SEC14L1: variants seen among roughly 807,000 people sequenced by gnomAD.
SEC14L1 encodes the protein SEC14 like lipid binding 1, also known as SEC14-like protein 1.
A neutral mutation model predicts 85.3 loss-of-function variants in SEC14L1; 48 were observed. That is an observed-to-expected ratio of 0.56 (90% CI 0.45 to 0.72). SEC14L1 has a LOEUF of 0.72. Ranked by LOEUF, SEC14L1 falls within the 30% of genes least tolerant of loss-of-function variation. SEC14L1 has a pLI of 0.00. For synonymous variants in SEC14L1, 391 were observed against 355.5 expected, an observed-to-expected ratio of 1.10 and a Z score of -1.12; for missense variants, 682 against 921.4, an observed-to-expected ratio of 0.74 and a Z score of 3.36.
At chr17:77,107,700 G>T (rs1241243111) in intron 3 of SEC14L1, among the ~76,000 whole-genome samples, 1 of 152,120 alleles carries the variant, frequency 6.6e-6, no homozygotes, top group Non-Finnish European at 1.5e-5. Flanking sequence ...ACGTAAAGGT[G>T]CCCTCCTTGA....
intron 3 of SEC14L1, among the ~76,000 whole-genome samples, chr17:77,151,275 T>TCA (rs1242458497): frequency 3.3e-4 from 50 of 152,310 alleles, no homozygotes; most frequent in Middle Eastern, 3.4e-3. Flanking sequence ...GTTTGTAAAG[T>TCA]TGTGAATGCC....
At position 77,206,749 on chromosome 17, in the gene SEC14L1, A is replaced by C. The variant is rs1233071553; in HGVS notation, c.1363A>C (p.Asn455His). 2 of 1,611,072 alleles carry C rather than the reference A, an allele frequency of 1.2e-6. No individual in the cohort carries two copies. Among genetic ancestry groups the C allele is most frequent in the Non-Finnish European group, 1.7e-6 (2 of 1,179,154 alleles). ...WTLVSPFIDD[N>H]TRRKFLIYAG... ...ACAGGTTAGTCCGTTCATTGATGAC[A>C]ACACCAGAAGGAAGTTCCTCATTTA... Residue 455 changes from asparagine to histidine, a missense_variant, in exon 13 of 17, where the codon AAC becomes CAC. Transcript: ENST00000436233. The surrounding 1 kb of genome is among the most constrained non-coding windows in gnomAD (Gnocchi z 4.3).
chr17:77,189,592 A>G (rs1289189907), intron 3 of SEC14L1, among the ~76,000 whole-genome samples: 1 of 151,796 alleles, frequency 6.6e-6, no homozygotes, highest in Non-Finnish European at 1.5e-5. Flanking sequence ...CCCTCCTCCC[A>G]TTTTGTAGTT....
intron 3 of SEC14L1, among the ~76,000 whole-genome samples, chr17:77,117,796 C>T (rs918486979): frequency 2.6e-5 from 4 of 152,306 alleles, no homozygotes; most frequent in East Asian, 1.9e-4. Context: ...CCTCCTTCTT[C>T]GTTCCCACCA....
At position 77,213,307 on chromosome 17, in the gene SEC14L1, G is replaced by C. The variant is rs201397042; in HGVS notation, c.1864-7G>C. ...GCCCTCAGCTGCCACTGCCCTACTT[G>C]TTCTAGGGTTCCCATGTGACCAGGT... is the stretch of plus-strand genomic sequence containing the variant. On this transcript the variant is annotated splice_polypyrimidine_tract_variant and splice_region_variant and intron_variant, in intron 15 of 16. Coordinates refer to ENST00000436233, the MANE Select transcript of SEC14L1 (RefSeq NM_001143998.2). The surrounding 1 kb of genome is among the most constrained non-coding windows in gnomAD (Gnocchi z 7.1). The C allele has an allele frequency of 1.0e-5, 16 of 1,601,358 alleles. No individual in the cohort carries two copies. Among genetic ancestry groups the C allele is most frequent in the East Asian group, 2.2e-5 (1 of 44,840 alleles).
In SEC14L1 at chr17:77,200,315, T is replaced by C. The variant is rs567934443; in HGVS notation, c.820-169T>C. Among the ~76,000 whole-genome samples the C allele has an allele frequency of 2.0e-5, 3 of 152,170 alleles. No homozygotes were observed. In the East Asian group the frequency reaches 5.8e-4, roughly 30 times the overall value. On this transcript the variant is annotated intron_variant, in intron 8 of 16. Coordinates refer to ENST00000436233, the MANE Select transcript of SEC14L1 (RefSeq NM_001143998.2). The stretch of plus-strand genomic sequence containing the variant: ...CTCCGAGTAGCTGGGATTACAGGCA[T>C]GCACCACCATGCCTGGCTGATTTTT...
chr17:77,198,961 G>GT (rs1567927521), intron 8 of SEC14L1: 1 of 150,256 alleles, frequency 6.7e-6, no homozygotes, highest in Non-Finnish European at 1.5e-5. Flanking sequence ...TCATTAGAAG[G>GT]TTTTTTGAGA....
At chr17:77,111,722 A>G (rs764213990) in intron 3 of SEC14L1, among the ~76,000 whole-genome samples, 1 of 152,076 alleles carries the variant, frequency 6.6e-6, no homozygotes. Flanking sequence ...GGGTATATTT[A>G]CCCAATGCCT....
chr17:77,120,511 C>G (rs1374621905), intron 3 of SEC14L1, among the ~76,000 whole-genome samples: 1 of 151,438 alleles, frequency 6.6e-6, no homozygotes, highest in Non-Finnish European at 1.5e-5. Context: ...AAGTCTTGCT[C>G]TGTCGCCCAG....
chr17:77,175,874 G>A (rs769952887), intron 3 of SEC14L1, among the ~76,000 whole-genome samples: 1 of 151,968 alleles, frequency 6.6e-6, no homozygotes, highest in Non-Finnish European at 1.5e-5. Context: ...TCCGGCCTCC[G>A]TGTAGCTGAG....
At position 77,200,585 on chromosome 17, in the gene SEC14L1, G is replaced by A; in HGVS notation, c.921G>A (p.Gln307=). 6.2e-7 allele frequency: 1 copy of A among 1,614,120 alleles called. No homozygotes were observed. The highest frequency in any genetic ancestry group is 8.5e-7 in the Non-Finnish European group (1 of 1,179,952). ...GTCAGTCTTTGACGTGGAGAAAGCA[G>A]CATCAGGTAGACTACATTCTTGAAA... ...IMCQSLTWRK[Q]HQVDYILETW... Residue 307 remains glutamine (Q), a synonymous_variant, in exon 9 of 17, where the codon CAG becomes CAA. Coordinates refer to ENST00000436233, the MANE Select transcript of SEC14L1 (RefSeq NM_001143998.2).
chr17:77,178,407 CTG>C (rs1478838681), intron 3 of SEC14L1, among the ~76,000 whole-genome samples: 1 of 152,094 alleles, frequency 6.6e-6, no homozygotes, highest in African/African-American at 2.4e-5. Flanking sequence ...AGTGACCTCT[CTG>C]TGGAATTAAA....
At chr17:77,097,098 G>A (rs1169171772) in intron 3 of SEC14L1, among the ~76,000 whole-genome samples, 9 of 152,156 alleles carry the variant, frequency 5.9e-5, no homozygotes, top group African/African-American at 1.2e-4. Context: ...TGAGAACATC[G>A]GGAAAGATTT....
intron 3 of SEC14L1, among the ~76,000 whole-genome samples, chr17:77,181,494 C>A (rs1286185444): frequency 6.6e-6 from 1 of 152,212 alleles, no homozygotes; most frequent in Non-Finnish European, 1.5e-5. Flanking sequence ...CTCACTGCAT[C>A]CTCCGCCTCC....
At chr17:77,212,681 C>T in intron 15 of SEC14L1, 1 of 176,264 alleles carries the variant, frequency 5.7e-6, no homozygotes. Context: ...CTCACAGTAG[C>T]CTCGGGGCGG....
chr17:77,193,345 T>C, intron 5 of SEC14L1, 76 bp from the exon 6 acceptor site: 1 of 1,400,960 alleles, frequency 7.1e-7, no homozygotes, highest in South Asian at 1.6e-5. Flanking sequence ...TTCTGGTTAC[T>C]GGTTAAACTG....
At chr17:77,101,008 A>T (rs772822514) in intron 3 of SEC14L1, among the ~76,000 whole-genome samples, 1 of 152,196 alleles carries the variant, frequency 6.6e-6, no homozygotes, top group Non-Finnish European at 1.5e-5. Flanking sequence ...GGCCAAATCT[A>T]GAGTCACAGG....
intron 7 of SEC14L1, 122 bp downstream of exon 7, chr17:77,195,033 AC>A: frequency 1.4e-6 from 1 of 690,244 alleles, no homozygotes; most frequent in Non-Finnish European, 2.5e-6. Context: ...GAAAGGAAAG[AC>A]CCGTCTCTCG....
chr17:77,135,887 T>C lies in SEC14L1; in HGVS notation c.-135-6759T>C, dbSNP rs1657922365. Among the ~76,000 whole-genome samples, 3 of 150,454 alleles carry C rather than the reference T, an allele frequency of 2.0e-5. No individual in the cohort carries two copies. In the South Asian group the frequency reaches 6.3e-4, roughly 32 times the overall value. ...CCTTCCTTCTCTTTCTTTTCTATTT[T>C]TTTGAAACAGAGTTTCGCTCTGTCA... On this transcript the variant is annotated intron_variant, in intron 3 of 19. Coordinates refer to the SEC14L1 transcript ENST00000392476.
Sources: gnomAD v4.1 joint callset for allele counts (sites outside exome capture counted in the v4.1 genomes callset) on GRCh38, gnomAD v4.1.1 for gene constraint, Gnocchi (gnomAD v3.1) non-coding constraint, MANE v1.5 for transcripts, NCBI Gene and HGNC (gene_info 2026-07-23, HGNC 2026-07-21) for gene names.